The following NAV3 variants were observed in gnomAD, a reference collection of about 807,000 sequenced individuals.
NAV3 encodes neuron navigator 3.
Under a neutral mutation model 244.7 loss-of-function variants are expected in NAV3, and 87 were observed. That is an observed-to-expected ratio of 0.36 (90% CI 0.30 to 0.42). NAV3 has a LOEUF of 0.42. NAV3 is among the 20% of genes least tolerant of loss of function. The probability of loss-of-function intolerance (pLI) is 1.00; values close to 1 mark genes in which losing one functional copy is unlikely to be tolerated. For missense variants in NAV3, 2,663 were observed against 2,893.3 expected (o/e 0.92, Z 1.83); for synonymous variants, 1,126 against 1,042.2 (o/e 1.08, Z -1.55).
intron 8 of NAV3, chr12:78,010,990 C>A (rs1875177217): frequency 6.6e-6 from 1 of 152,072 alleles, no homozygotes; most frequent in African/African-American, 2.4e-5. Flanking sequence ...ATAAATTATT[C>A]TGTACATAGT....
chr12:77,701,164 C>G (rs1036307481), intron 2 of NAV3, among the ~76,000 whole-genome samples: 4 of 151,800 alleles, frequency 2.6e-5, no homozygotes, highest in African/African-American at 7.2e-5. Context: ...GAATTCACCA[C>G]TGGAAACATT....
rs116438716 is a variant in NAV3 at position 77,705,745 on chromosome 12, A to G, written c.72+133479A>G. 4.2e-3 allele frequency among the ~76,000 whole-genome samples: 631 copies of G among 151,558 alleles called. 34 individuals are homozygous for G. Among genetic ancestry groups the G allele is most frequent in the African/African-American group, 0.015 (605 of 40,948 alleles). On this transcript the variant is annotated intron_variant, in intron 2 of 8. Coordinates refer to the NAV3 transcript ENST00000550042. ...GAGCTTTCTAACGGCTGGTAATTAT[A>G]TAGTACAAGTTTATGCCATCAAGGG...
At chr12:77,710,847 A>C (rs1026714191) in intron 2 of NAV3, among the ~76,000 whole-genome samples, 3 of 152,208 alleles carry the variant, frequency 2.0e-5, no homozygotes, top group African/African-American at 7.2e-5. Flanking sequence ...TAAATGAACT[A>C]ATCTATTTGG....
chr12:77,733,589 G>C (rs539431424), intron 2 of NAV3, among the ~76,000 whole-genome samples: 35 of 151,946 alleles, frequency 2.3e-4, no homozygotes, highest in Non-Finnish European at 4.7e-4. Flanking sequence ...CTTGACAAAT[G>C]TAAGCTAAAT....
chr12:77,933,899 A>C lies in NAV3; in HGVS notation c.244-6420A>C, dbSNP rs535049338. ...TGTGATTTTGCAACCTTCTTTGTCC[A>C]ATGTTGCCTACCATTTTTGAATTTT... On this transcript the variant is annotated intron_variant, in intron 1 of 39. Transcript: ENST00000397909. Among the ~76,000 whole-genome samples, 270 of 152,320 alleles carry C rather than the reference A, an allele frequency of 1.8e-3. 3 individuals are homozygous for C. The highest frequency in any genetic ancestry group is 6.3e-3 in the African/African-American group (260 of 41,566).
At chr12:77,992,779 G>A (rs1426928673) in intron 5 of NAV3, among the ~76,000 whole-genome samples, 1 of 152,188 alleles carries the variant, frequency 6.6e-6, no homozygotes, top group Non-Finnish European at 1.5e-5. Context: ...AAAAAGGAAA[G>A]AGAAAATGGG....
At position 78,006,993 on chromosome 12, in the gene NAV3, A is replaced by G. The variant is rs2136580743; in HGVS notation, c.1455A>G (p.Lys485=). 2.5e-6 allele frequency: 4 copies of G among 1,614,154 alleles called. No homozygotes were observed. In the South Asian group the frequency reaches 4.4e-5, roughly 18 times the overall value. Residue 485 remains lysine (K), a synonymous_variant, in exon 8 of 40, where the codon AAA becomes AAG. Coordinates refer to ENST00000397909, the MANE Select transcript of NAV3 (RefSeq NM_001024383.2). The part of the protein sequence containing the change: ...KNKVCTEKPV[K]EEKDQVTEMA... The stretch of plus-strand genomic sequence containing the variant: ...AAGTTTGCACTGAAAAACCAGTCAA[A>G]GAAGAGAAGGATCAGGTGACAGAGA...
At chr12:77,658,900 A>G (rs1317754085) in intron 2 of NAV3, among the ~76,000 whole-genome samples, 5 of 152,232 alleles carry the variant, frequency 3.3e-5, no homozygotes, top group Non-Finnish European at 5.9e-5. Context: ...AAAACTGGCT[A>G]TCCATATGTA....
At chr12:77,776,377 T>C (rs1195854731) in intron 2 of NAV3, among the ~76,000 whole-genome samples, 1 of 152,218 alleles carries the variant, frequency 6.6e-6, no homozygotes, top group Non-Finnish European at 1.5e-5. Context: ...TCCATACATT[T>C]TGATTGGTCA....
intron 32 of NAV3, 45 bp downstream of exon 32, chr12:78,188,388 C>A: frequency 6.8e-7 from 1 of 1,479,844 alleles, no homozygotes; most frequent in Non-Finnish European, 9.3e-7. Context: ...AAATATGTTT[C>A]TCTTTAATTG....
intron 1 of NAV3, among the ~76,000 whole-genome samples, chr12:77,903,749 A>T (rs1403940845): frequency 1.3e-5 from 2 of 152,248 alleles, no homozygotes; most frequent in Admixed American, 6.5e-5. Flanking sequence ...TACTCATCTG[A>T]CAAAGGGCTA....
chr12:78,058,541 G>C (rs1473429051), intron 11 of NAV3, among the ~76,000 whole-genome samples: 1 of 151,976 alleles, frequency 6.6e-6, no homozygotes, highest in Non-Finnish European at 1.5e-5. Flanking sequence ...GCTGATATGA[G>C]GTATTAAATA....
At chr12:77,997,446 T>C (rs1261126208) in intron 6 of NAV3, among the ~76,000 whole-genome samples, 1 of 152,134 alleles carries the variant, frequency 6.6e-6, no homozygotes, top group Non-Finnish European at 1.5e-5. Flanking sequence ...TGATCGAAAC[T>C]GATATTTTAG....
At chr12:77,823,419 C>G (rs146046989) in intron 2 of NAV3, among the ~76,000 whole-genome samples, 39 of 152,210 alleles carry the variant, frequency 2.6e-4, no homozygotes, top group African/African-American at 8.9e-4. Flanking sequence ...AAGCAAATGC[C>G]AGAGAAAGGA....
rs965100973 is a variant in NAV3 at position 77,814,132 on chromosome 12, A to G, written c.73-126187A>G. Among the ~76,000 whole-genome samples, 3 of 152,120 alleles carry G rather than the reference A, an allele frequency of 2.0e-5. No individual in the cohort carries two copies. The East Asian group carries it at 5.8e-4, about 29-fold the overall frequency. On this transcript the variant is annotated intron_variant, in intron 2 of 8. Coordinates refer to the NAV3 transcript ENST00000550042. ...AGTGATCCTGAGATTCACTAAGAGTAAAGGACCACTGATCGAATATTCTGC... is the reference window on the plus strand; with the variant it reads ...AGTGATCCTGAGATTCACTAAGAGTGAAGGACCACTGATCGAATATTCTGC...
intron 2 of NAV3, among the ~76,000 whole-genome samples, chr12:77,640,203 T>G (rs1592530365): frequency 2.6e-5 from 4 of 152,026 alleles, no homozygotes; most frequent in Admixed American, 2.6e-4. Context: ...AAAAAAGAAA[T>G]GATGCAGTTA....
chr12:77,963,809 T>G (rs1892249352), intron 3 of NAV3, among the ~76,000 whole-genome samples: 1 of 151,884 alleles, frequency 6.6e-6, no homozygotes, highest in Non-Finnish European at 1.5e-5. Context: ...TATCGATCAT[T>G]TGTTGTTGTT....
intron 2 of NAV3, among the ~76,000 whole-genome samples, chr12:77,789,852 G>GA (rs1316477652): frequency 1.1e-4 from 12 of 108,030 alleles, no homozygotes; most frequent in South Asian, 3.9e-4. Context: ...CAAGAGAAAA[G>GA]AAAAAAAAAA....
chr12:77,920,894 C>A lies in NAV3; in HGVS notation c.244-19425C>A, dbSNP rs186994756. ...GATAGTAGTAGACTTTCCAAGGTCACCATTTGGATTCATATGAATTATTTG... is the reference window on the plus strand; with the variant it reads ...GATAGTAGTAGACTTTCCAAGGTCAACATTTGGATTCATATGAATTATTTG... On this transcript the variant is annotated intron_variant, in intron 1 of 39. Transcript: ENST00000397909. 4.2e-4 allele frequency among the ~76,000 whole-genome samples: 64 copies of A among 152,138 alleles called. No individual in the cohort carries two copies. In the East Asian group the frequency reaches 0.012, roughly 29 times the overall value.
Sources: gnomAD v4.1 joint callset for allele counts (sites outside exome capture counted in the v4.1 genomes callset) on GRCh38, gnomAD v4.1.1 for gene constraint, MANE v1.5 for transcripts, NCBI Gene and HGNC (gene_info 2026-07-23, HGNC 2026-07-21) for gene names.